The following GTPBP4 variants were observed in gnomAD, a reference collection of about 807,000 sequenced individuals.
The protein encoded by GTPBP4 is GTP-binding protein 4.
In GTPBP4, 15 loss-of-function variants were observed where a neutral mutation model predicts 81.7. The observed-to-expected ratio is 0.18, with a 90% CI of 0.12 to 0.28. GTPBP4 has a LOEUF of 0.28. Ranked by LOEUF, GTPBP4 falls within the 10% of genes least tolerant of loss-of-function variation. The probability of loss-of-function intolerance (pLI) is 1.00; values close to 1 mark genes in which losing one functional copy is unlikely to be tolerated. For synonymous variants in GTPBP4, 272 were observed against 274.6 expected, an observed-to-expected ratio of 0.99 and a Z score of 0.09; for missense variants, 847 against 793.8, an observed-to-expected ratio of 1.07 and a Z score of -0.81.
In GTPBP4 at chr10:1,014,270, G is replaced by T. The variant is rs558767970; in HGVS notation, c.1566G>T (p.Lys522Asn). The T allele has an allele frequency of 1.6e-5, 25 of 1,607,134 alleles. No individual in the cohort carries two copies. In the East Asian group the frequency reaches 3.1e-4, roughly 20 times the overall value. ...AKKVQRTVLEKEMRSLGVDMD... is the reference protein window; with the variant it reads ...AKKVQRTVLENEMRSLGVDMD... ...AGGTTCAGAGGACAGTTTTGGAGAA[G>T]GAGATGCGTAGTCTTGGTGTTGACA... Residue 522 changes from lysine to asparagine, a missense_variant, in exon 15 of 17, where the codon AAG (lysine) becomes AAT (asparagine). Lys to Asn is a moderately conservative substitution (Grantham distance 94, BLOSUM62 0). Coordinates refer to ENST00000360803, the MANE Select transcript of GTPBP4 (RefSeq NM_012341.3).
intron 10 of GTPBP4, 47 bp downstream of exon 10, chr10:1,007,175 G>A (rs780973663): frequency 9.7e-7 from 1 of 1,032,518 alleles, no homozygotes; most frequent in Non-Finnish European, 1.5e-6. Flanking sequence ...ACTGTCAGCA[G>A]GTGCTGTCTG....
Position 1,000,839 on chromosome 10 carries a change from C to G in GTPBP4, c.817C>G (p.Gln273Glu). ...HGLREQLELFQNIRPLFINKP... is the reference protein window; with the variant it reads ...HGLREQLELFENIRPLFINKP... ...GCTGAGGGAGCAGCTAGAACTCTTC[C>G]AGAACATCAGACCTCTCTTCATCAA... is the stretch of plus-strand genomic sequence containing the variant. Residue 273 changes from glutamine to glutamate, a missense_variant, in exon 7 of 17, where the codon CAG (glutamine) becomes GAG (glutamate). Gln to Glu is a conservative substitution (Grantham distance 29). This residue lies in a region of GTPBP4 where 600 missense variants were observed against 557.1 expected (regional missense o/e 1.08). Coordinates refer to ENST00000360803, the MANE Select transcript of GTPBP4 (RefSeq NM_012341.3). 6.8e-6 allele frequency: 11 copies of G among 1,610,126 alleles called. No homozygotes were observed. The highest frequency in any genetic ancestry group is 9.3e-6 in the Non-Finnish European group (11 of 1,177,752).
At chr10:1,007,929 T>G (rs747073637) in intron 10 of GTPBP4, 4 of 517,932 alleles carry the variant, frequency 7.7e-6, no homozygotes, top group South Asian at 5.6e-5. Context: ...GATTTGTTAC[T>G]TTTGTATTAC....
intron 8 of GTPBP4, 124 bp downstream of exon 8, chr10:1,001,137 A>T: frequency 1.5e-6 from 1 of 672,684 alleles, no homozygotes; most frequent in Admixed American, 2.5e-5. Flanking sequence ...TATAGTTGAG[A>T]TAATATCCTC....
intron 10 of GTPBP4, chr10:1,007,877 G>A (rs190390920): frequency 8.3e-5 from 43 of 515,912 alleles, no homozygotes; most frequent in African/African-American, 7.7e-4. Flanking sequence ...TCTGCTTATT[G>A]GCCTTTTCAA....
intron 1 of GTPBP4, among the ~76,000 whole-genome samples, chr10:991,806 C>T (rs1365915367): frequency 6.8e-6 from 1 of 146,176 alleles, no homozygotes; most frequent in Non-Finnish European, 1.5e-5. Flanking sequence ...CGCCATTCTC[C>T]TGCCTCAGCC....
In GTPBP4 at chr10:1,019,907, T is replaced by G; in HGVS notation, c.*2680T>G. 1 of 1,100,708 alleles carries G rather than the reference T, an allele frequency of 9.1e-7. No homozygotes were observed. The highest frequency in any genetic ancestry group is 1.4e-5 in the South Asian group (1 of 69,822). 68.2% of individuals were successfully genotyped at this position (1,100,708 alleles called of 1,614,324 possible). ...AGAATTTACAGAAAAATAGAGAAAA[T>G]AAACACATTTGTTTTCCTCAGAAAA... On this transcript the variant is annotated 3_prime_UTR_variant, in exon 17 of 17. Transcript: ENST00000360803.
intron 13 of GTPBP4, among the ~76,000 whole-genome samples, chr10:1,012,162 G>A (rs1478531828): frequency 2.6e-5 from 4 of 152,198 alleles, no homozygotes; most frequent in Non-Finnish European, 5.9e-5. Flanking sequence ...CGGGAGCATT[G>A]GAAGTGAAGG....
chr10:1,006,766 G>A (rs1459381302), intron 9 of GTPBP4, among the ~76,000 whole-genome samples: 1 of 152,190 alleles, frequency 6.6e-6, no homozygotes, highest in African/African-American at 2.4e-5. Context: ...CATTGCCTCC[G>A]GTTCGTGAAG....
chr10:1,004,534 G>A (rs148345039), intron 8 of GTPBP4, among the ~76,000 whole-genome samples: 14 of 152,198 alleles, frequency 9.2e-5, no homozygotes, highest in African/African-American at 2.2e-4. Flanking sequence ...CCCAGGCACC[G>A]TTGCCCTGGG....
At chr10:998,721 A>G (rs905807958) in intron 5 of GTPBP4, among the ~76,000 whole-genome samples, 20 of 152,244 alleles carry the variant, frequency 1.3e-4, no homozygotes, top group African/African-American at 4.8e-4. Context: ...GCCTGTCATC[A>G]TAAAGAGCTC....
intron 9 of GTPBP4, 128 bp from the exon 10 acceptor site, chr10:1,006,890 C>T: frequency 1.5e-6 from 1 of 645,836 alleles, no homozygotes. Flanking sequence ...GAGAATGTGG[C>T]CCCCTACGTG....
In GTPBP4 at chr10:988,459, C is replaced by T. The variant is rs1388323952; in HGVS notation, c.-21C>T. ...GGAAGTTCCGGGAGTGCCAAGTACC[C>T]GCGTGCATACGGCTGCCGGCATGGC... is the stretch of plus-strand genomic sequence containing the variant. On this transcript the variant is annotated 5_prime_UTR_variant, in exon 1 of 17. Transcript: ENST00000360803. 6.2e-6 allele frequency: 10 copies of T among 1,610,296 alleles called. No individual in the cohort carries two copies. Among genetic ancestry groups the T allele is most frequent in the Non-Finnish European group, 6.8e-6 (8 of 1,177,054 alleles).
At chr10:1,005,410 C>T (rs568631352) in intron 8 of GTPBP4, among the ~76,000 whole-genome samples, 2 of 152,308 alleles carry the variant, frequency 1.3e-5, no homozygotes, top group African/African-American at 4.8e-5. Flanking sequence ...CTCCCAAAGG[C>T]TGGGATTACA....
At chr10:1,004,395 G>A (rs1262485104) in intron 8 of GTPBP4, among the ~76,000 whole-genome samples, 1 of 152,142 alleles carries the variant, frequency 6.6e-6, no homozygotes, top group Non-Finnish European at 1.5e-5. Flanking sequence ...GGAGCTGTTT[G>A]CGTGGTGGGG....
At chr10:990,432 G>A (rs1477415303) in intron 1 of GTPBP4, among the ~76,000 whole-genome samples, 1 of 152,056 alleles carries the variant, frequency 6.6e-6, no homozygotes, top group Non-Finnish European at 1.5e-5. Flanking sequence ...TTCAAGAGAG[G>A]TAAGTCGAGG....
At chr10:990,452 G>A (rs1831421950) in intron 1 of GTPBP4, among the ~76,000 whole-genome samples, 1 of 152,150 alleles carries the variant, frequency 6.6e-6, no homozygotes, top group African/African-American at 2.4e-5. Flanking sequence ...GCCGGGTGCG[G>A]TGGCTCTCGC....
chr10:988,632 G>C, intron 1 of GTPBP4, 105 bp downstream of exon 1: 1 of 824,502 alleles, frequency 1.2e-6, no homozygotes, highest in Non-Finnish European at 2.0e-6. Flanking sequence ...CCTTCCGCTC[G>C]CCCATCCCCC....
At chr10:1,011,702 G>A (rs561764433) in intron 13 of GTPBP4, among the ~76,000 whole-genome samples, 1 of 152,062 alleles carries the variant, frequency 6.6e-6, no homozygotes, top group African/African-American at 2.4e-5. Context: ...GATTCTGGGG[G>A]CAACAATCTC....
Sources: allele counts gnomAD v4.1 joint callset (sites outside exome capture counted in the v4.1 genomes callset), GRCh38; gene constraint gnomAD v4.1.1; regional missense constraint gnomAD v4.1.1; transcripts MANE v1.5; gene names NCBI Gene and HGNC (gene_info 2026-07-23, HGNC 2026-07-21).